The following GNA12 variants were observed in gnomAD, a reference collection of about 807,000 sequenced individuals.
GNA12 encodes guanine nucleotide-binding protein subunit alpha-12.
Under a neutral mutation model 26.0 loss-of-function variants are expected in GNA12, and 9 were observed. The observed-to-expected ratio is 0.35, with a 90% CI of 0.21 to 0.60. GNA12 has a LOEUF of 0.60. Among genes scored for constraint, GNA12 ranks in the 20% least tolerant of loss-of-function variants. The probability of loss-of-function intolerance (pLI) is 0.78; values close to 1 mark genes in which losing one functional copy is unlikely to be tolerated. For synonymous variants in GNA12, 264 were observed against 219.6 expected (o/e 1.20, Z -1.79); for missense variants, 405 against 525.8 (o/e 0.77, Z 2.25).
chr7:2,764,041 G>A (rs1791698099), intron 2 of GNA12, among the ~76,000 whole-genome samples: 1 of 152,146 alleles, frequency 6.6e-6, no homozygotes, highest in South Asian at 2.1e-4. Flanking sequence ...TAAGGCTGCT[G>A]TGCTGGTGTC....
chr7:2,831,440 G>A (rs1778648125), intron 1 of GNA12, among the ~76,000 whole-genome samples: 1 of 120,506 alleles, frequency 8.3e-6, no homozygotes, highest in African/African-American at 2.9e-5. Flanking sequence ...GTCTCACTCT[G>A]TCGCCCAGGC....
At chr7:2,800,250 T>C (rs1792777018) in intron 1 of GNA12, among the ~76,000 whole-genome samples, 1 of 152,258 alleles carries the variant, frequency 6.6e-6, no homozygotes, top group Non-Finnish European at 1.5e-5. Flanking sequence ...CACTATGCGA[T>C]TCTGTTTAAT....
At chr7:2,768,469 A>G (rs1791862336) in intron 2 of GNA12, among the ~76,000 whole-genome samples, 1 of 152,156 alleles carries the variant, frequency 6.6e-6, no homozygotes. Flanking sequence ...GCATTCGAGG[A>G]CTGCGTGAAA....
chr7:2,836,100 G>T, intron 1 of GNA12: 2 of 223,300 alleles, frequency 9.0e-6, no homozygotes, highest in Admixed American at 6.3e-5. Context: ...AAACTAGAAA[G>T]TCTTACTGGC....
chr7:2,733,374 A>T, intron 3 of GNA12, 77 bp downstream of exon 3: 1 of 1,215,506 alleles, frequency 8.2e-7, no homozygotes, highest in East Asian at 2.5e-5. Context: ...AAGTCCTCAC[A>T]ACGTGGACTG....
chr7:2,745,319 T>A (rs1238403718), intron 2 of GNA12, among the ~76,000 whole-genome samples: 2 of 152,246 alleles, frequency 1.3e-5, no homozygotes, highest in Non-Finnish European at 2.9e-5. Context: ...ACAGCTGATC[T>A]CTTGGCAGAA....
intron 1 of GNA12, among the ~76,000 whole-genome samples, chr7:2,801,388 G>A (rs193147866): frequency 4.6e-5 from 7 of 152,182 alleles, no homozygotes; most frequent in African/African-American, 1.7e-4. Context: ...AAGGCCAAAG[G>A]TCACTTACGA....
chr7:2,805,220 G>T (rs77870002), intron 1 of GNA12, among the ~76,000 whole-genome samples: 1 of 152,214 alleles, frequency 6.6e-6, no homozygotes, highest in East Asian at 1.9e-4. Flanking sequence ...ATAACAATCT[G>T]CGTTCATGGG....
intron 1 of GNA12, among the ~76,000 whole-genome samples, chr7:2,840,905 G>A (rs142408861): frequency 4.6e-5 from 7 of 152,080 alleles, no homozygotes; most frequent in Non-Finnish European, 7.4e-5. Flanking sequence ...TGATCTGTTC[G>A]AATAAAAATG....
chr7:2,769,878 A>T (rs1791905008), intron 2 of GNA12, among the ~76,000 whole-genome samples: 2 of 152,228 alleles, frequency 1.3e-5, no homozygotes, highest in African/African-American at 4.8e-5. Context: ...TTATCAATTG[A>T]ATTTTTTTCT....
At position 2,844,030 on chromosome 7, in the gene GNA12, G is replaced by A. The variant is rs748958340; in HGVS notation, c.132C>T (p.Asp44=). ...CGCGCCGCTCGCGGGCCAGCAGCGCGTCGATGTCGCGGCTACGCCTCCGGG... is the reference window on the plus strand; with the variant it reads ...CGCGCCGCTCGCGGGCCAGCAGCGCATCGATGTCGCGGCTACGCCTCCGGG... ...REARRRSRDI[D]ALLARERRAV... is the part of the protein sequence containing the mutation. The change falls in exon 1 of 4, where the codon GAC becomes GAT. Residue 44 remains aspartate, a synonymous_variant. Coordinates refer to ENST00000275364, the MANE Select transcript of GNA12 (RefSeq NM_007353.3). The A allele has an allele frequency of 2.0e-5, 29 of 1,443,194 alleles. No homozygotes were observed. In the East Asian group the frequency reaches 8.4e-4, roughly 42 times the overall value. The allele number at this position is 1,443,194 out of a possible 1,614,324, so 89.4% of individuals were successfully genotyped here.
At chr7:2,765,493 G>C (rs1791766071) in intron 2 of GNA12, among the ~76,000 whole-genome samples, 1 of 152,088 alleles carries the variant, frequency 6.6e-6, no homozygotes. Flanking sequence ...GAATGAGCGC[G>C]CAGGGAAGAG....
At chr7:2,776,505 G>A (rs1465209105) in intron 2 of GNA12, among the ~76,000 whole-genome samples, 1 of 152,206 alleles carries the variant, frequency 6.6e-6, no homozygotes, top group Non-Finnish European at 1.5e-5. Context: ...GGCGATGAAA[G>A]CATGAAGGGC....
chr7:2,802,469 T>C (rs1583293921), intron 1 of GNA12, among the ~76,000 whole-genome samples: 2 of 151,974 alleles, frequency 1.3e-5, no homozygotes, highest in African/African-American at 2.4e-5. Context: ...CATTTCAAAA[T>C]AGATTATGTT....
chr7:2,810,988 A>G (rs948216618), intron 1 of GNA12, among the ~76,000 whole-genome samples: 1 of 152,214 alleles, frequency 6.6e-6, no homozygotes, highest in Admixed American at 6.5e-5. Context: ...TTCAACAGGG[A>G]CACCCAGGCC....
At position 2,778,877 on chromosome 7, in the gene GNA12, C is replaced by G. The variant is rs555401833; in HGVS notation, c.525+16051G>C. On this transcript the variant is annotated intron_variant, in intron 2 of 3. Transcript: ENST00000275364. ...GGAAGCTGATTAAATTTGTTGAAAT[C>G]TGGTAAAAGTGGATGGGGAATGGGG... Among the ~76,000 whole-genome samples the G allele has an allele frequency of 1.1e-4, 17 of 152,258 alleles. No homozygotes were observed. In the East Asian group the frequency reaches 3.3e-3, roughly 29 times the overall value.
chr7:2,736,815 T>G (rs1790205413), intron 2 of GNA12, among the ~76,000 whole-genome samples: 1 of 152,236 alleles, frequency 6.6e-6, no homozygotes, highest in Admixed American at 6.5e-5. Context: ...CCGTCACCTC[T>G]GTCTCTGCAC....
intron 2 of GNA12, among the ~76,000 whole-genome samples, chr7:2,786,120 G>C (rs1005761073): frequency 6.6e-6 from 1 of 152,148 alleles, no homozygotes; most frequent in Non-Finnish European, 1.5e-5. Flanking sequence ...GTGGGAGATG[G>C]TTCTGTATTT....
intron 2 of GNA12, among the ~76,000 whole-genome samples, chr7:2,758,238 C>T (rs908973603): frequency 6.6e-6 from 1 of 152,180 alleles, no homozygotes; most frequent in Non-Finnish European, 1.5e-5. Flanking sequence ...GAAAACAAGG[C>T]TTTAGGGCCG....
Sources: gnomAD v4.1 joint callset for allele counts (sites outside exome capture counted in the v4.1 genomes callset) on GRCh38, gnomAD v4.1.1 for gene constraint, MANE v1.5 for transcripts, NCBI Gene and HGNC (gene_info 2026-07-23, HGNC 2026-07-21) for gene names.